The following HECTD4 variants were observed in gnomAD, a reference collection of about 807,000 sequenced individuals.
HECTD4 encodes HECT domain E3 ubiquitin protein ligase 4.
HECTD4 carries 114 observed loss-of-function variants against 471.5 expected under a neutral mutation model. The observed-to-expected ratio is 0.24, with a 90% CI of 0.21 to 0.28. The LOEUF is 0.28. Ranked by LOEUF, HECTD4 falls within the 10% of genes least tolerant of loss-of-function variation. The pLI is 1.00. For missense variants in HECTD4, 3,866 were observed against 5,651.5 expected (o/e 0.68, Z 10.13); for synonymous variants, 2,012 against 2,256.0 (o/e 0.89, Z 3.07).
At chr12:112,246,462 C>T (rs1473186595) in intron 29 of HECTD4, among the ~76,000 whole-genome samples, 8 of 151,914 alleles carry the variant, frequency 5.3e-5, no homozygotes, top group South Asian at 4.2e-4. Flanking sequence ...AGTGAAACCC[C>T]GTCTCTACCA....
intron 1 of HECTD4, among the ~76,000 whole-genome samples, chr12:112,360,222 G>A (rs1022885351): frequency 6.6e-6 from 1 of 152,216 alleles, no homozygotes; most frequent in Non-Finnish European, 1.5e-5. Flanking sequence ...GGGAGGCTGG[G>A]GCAGGAGGAT....
At chr12:112,185,825 GAAT>G (rs1436879439) in intron 60 of HECTD4, among the ~76,000 whole-genome samples, 1 of 152,212 alleles carries the variant, frequency 6.6e-6, no homozygotes, top group Admixed American at 6.5e-5. Flanking sequence ...TAAGTCCCTA[GAAT>G]AATGTTTCCC....
Position 112,190,801 on chromosome 12 carries a change from C to T in HECTD4, c.9457G>A (p.Val3153Met), listed in dbSNP as rs1387103845. The change falls in exon 60 of 76, where the codon GTG becomes ATG. Residue 3153 changes from valine (V) to methionine (M), a missense_variant. Around this residue, in one of 16 missense-constraint regions of HECTD4, gnomAD observed 364 missense variants for 413.2 expected, o/e 0.88. Transcript: ENST00000682272. ...GCAGCCTCACCTAGCAGCTCCACCA[C>T]CTGCAGGAGGACGGATGTCGGAATG... ...DTIPTSVLLQ[V>M]VELLGNFLWT... The T allele has an allele frequency of 6.3e-7, 1 of 1,585,136 alleles. No individual in the cohort carries two copies. The highest frequency in any genetic ancestry group is 8.6e-7 in the Non-Finnish European group (1 of 1,165,468).
chr12:112,271,662 C>T (rs1275104774), intron 11 of HECTD4, among the ~76,000 whole-genome samples: 1 of 152,196 alleles, frequency 6.6e-6, no homozygotes, highest in African/African-American at 2.4e-5. Context: ...CTCTACTAAT[C>T]TATGGCCCAG....
intron 18 of HECTD4, among the ~76,000 whole-genome samples, chr12:112,260,136 C>G (rs2034110662): frequency 6.6e-6 from 1 of 152,170 alleles, no homozygotes; most frequent in South Asian, 2.1e-4. Context: ...CCCTTGCCCC[C>G]AGCCCCCGGC....
chr12:112,298,701 G>A (rs1249976069), intron 7 of HECTD4, among the ~76,000 whole-genome samples: 3 of 151,620 alleles, frequency 2.0e-5, no homozygotes, highest in Admixed American at 6.6e-5. Context: ...TGGCCAACAC[G>A]GTGAAACTCT....
Position 112,194,761 on chromosome 12 carries a change from T to C in HECTD4, c.8749+124A>G, listed in dbSNP as rs560795758. ...GGAGAATCCCAGTTCCTGCGTGCAA[T>C]TTCTCACGTGAGCCTATGCGCACCA... On this transcript the variant is annotated intron_variant, in intron 56 of 75. Transcript: ENST00000682272. The surrounding 1 kb of genome is among the most constrained non-coding windows in gnomAD (Gnocchi z 4.6). 5.8e-6 allele frequency: 5 copies of C among 868,422 alleles called. No individual in the cohort carries two copies. The South Asian group carries it at 7.2e-5, about 13-fold the overall frequency. The allele number at this position is 868,422 out of a possible 1,614,324, so 53.8% of individuals were successfully genotyped here. A position where few individuals can be genotyped will look rare whatever the true frequency, so the allele number is the denominator to read the frequency against.
intron 1 of HECTD4, among the ~76,000 whole-genome samples, chr12:112,361,505 G>A (rs916771028): frequency 2.0e-5 from 3 of 151,356 alleles, no homozygotes; most frequent in African/African-American, 7.3e-5. Flanking sequence ...CATTCCTGGG[G>A]TCAAGCAATC....
In HECTD4 at chr12:112,194,464, A is replaced by C. The variant is rs1286650311; in HGVS notation, c.8749+421T>G. On this transcript the variant is annotated intron_variant, in intron 56 of 75. Coordinates refer to ENST00000682272, the MANE Select transcript of HECTD4 (RefSeq NM_001388303.1). The surrounding 1 kb of genome is among the most constrained non-coding windows in gnomAD (Gnocchi z 4.6). The stretch of plus-strand genomic sequence containing the variant: ...GGGATCAGACACAGCCCTCATGCCA[A>C]GGGCACACAGGCTGGCCTTTGGAAC... Among the ~76,000 whole-genome samples the C allele has an allele frequency of 1.3e-5, 2 of 152,210 alleles. No homozygotes were observed. Among genetic ancestry groups the C allele is most frequent in the Non-Finnish European group, 2.9e-5 (2 of 68,020 alleles).
chr12:112,221,353 A>G (rs1193429129), intron 44 of HECTD4, among the ~76,000 whole-genome samples: 1 of 152,066 alleles, frequency 6.6e-6, no homozygotes, highest in Non-Finnish European at 1.5e-5. Flanking sequence ...GACTCAGGTG[A>G]TCTTCCCACC....
chr12:112,340,314 G>A (rs2036033224), intron 1 of HECTD4, among the ~76,000 whole-genome samples: 1 of 152,190 alleles, frequency 6.6e-6, no homozygotes, highest in South Asian at 2.1e-4. Context: ...GGTGTGATGA[G>A]CCCAAGTGCT....
chr12:112,381,867 G>T lies in HECTD4; in HGVS notation c.177+85C>A. The T allele has an allele frequency of 9.9e-7, 1 of 1,006,772 alleles. No homozygotes were observed. Among genetic ancestry groups the T allele is most frequent in the Non-Finnish European group, 1.3e-6 (1 of 787,976 alleles). 62.4% of individuals were successfully genotyped at this position (1,006,772 alleles called of 1,614,324 possible). A position where few individuals can be genotyped will look rare whatever the true frequency, so the allele number is the denominator to read the frequency against. On this transcript the variant is annotated intron_variant, in intron 1 of 75. Transcript: ENST00000682272. This position sits in a 1 kb window ranked among gnomAD's most constrained non-coding sequence, Gnocchi z 4.1. ...GGCAGCCGCCGGGAGGCGAGGCCGC[G>T]GCTGAGGCGAGGAGGGGGCCCGACC...
intron 48 of HECTD4, 83 bp downstream of exon 48, chr12:112,216,209 A>G (rs2135549354): frequency 2.2e-6 from 2 of 909,122 alleles, no homozygotes; most frequent in East Asian, 5.3e-5. Flanking sequence ...CCAATTGCTA[A>G]ATTTATTCAA....
chr12:112,379,215 A>G (rs1024690373), intron 1 of HECTD4, among the ~76,000 whole-genome samples: 1 of 152,248 alleles, frequency 6.6e-6, no homozygotes, highest in Non-Finnish European at 1.5e-5. Flanking sequence ...GATGAGGAGC[A>G]GATGTGCAGT....
chr12:112,227,975 T>G, intron 43 of HECTD4, 114 bp downstream of exon 43: 8 of 915,186 alleles, frequency 8.7e-6, no homozygotes, highest in Non-Finnish European at 1.3e-5. Flanking sequence ...CAGTTTAGTG[T>G]GAGCTTCAAG....
chr12:112,329,305 C>T (rs1308052881), intron 1 of HECTD4, among the ~76,000 whole-genome samples: 1 of 151,514 alleles, frequency 6.6e-6, no homozygotes, highest in African/African-American at 2.4e-5. Flanking sequence ...AAGTCAGCTA[C>T]AAACTATAAG....
chr12:112,301,801 T>G (rs1015333026), intron 7 of HECTD4: 9 of 145,640 alleles, frequency 6.2e-5, no homozygotes, highest in Non-Finnish European at 9.0e-5. Context: ...CAGCTAGCTG[T>G]TTTTTTTTTT....
chr12:112,209,995 A>G lies in HECTD4; in HGVS notation c.7867+20T>C, dbSNP rs766048512. The G allele has an allele frequency of 1.4e-4, 225 of 1,588,758 alleles. No individual in the cohort carries two copies. The highest frequency in any genetic ancestry group is 2.6e-4 in the Admixed American group (15 of 57,550). ...GTCTCAGGAAGCCATGGAGGCAGTA[A>G]GTTCCAGGAGGTGACTTACGTTGCT... On this transcript the variant is annotated intron_variant, in intron 50 of 75. Transcript: ENST00000682272.
At position 112,259,146 on chromosome 12, in the gene HECTD4, G is replaced by C. The variant is rs752768435; in HGVS notation, c.2993C>G (p.Pro998Arg). ...ATAGAGTACCAGCTGCACTAGCTGA[G>C]GCATCAGGGCATCCGCCATGATCAG... ...QTLIMADALM[P>R]QLVQLVLYTS... Residue 998 changes from proline to arginine, a missense_variant, in exon 19 of 76, where the codon CCT (proline) becomes CGT (arginine). Transcript: ENST00000682272. 2.5e-6 allele frequency: 4 copies of C among 1,613,640 alleles called. No homozygotes were observed. The highest frequency in any genetic ancestry group is 1.7e-6 in the Non-Finnish European group (2 of 1,179,800).
Sources: allele counts gnomAD v4.1 joint callset (sites outside exome capture counted in the v4.1 genomes callset), GRCh38; gene constraint gnomAD v4.1.1; regional missense constraint gnomAD v4.1.1; non-coding constraint Gnocchi (gnomAD v3.1); transcripts MANE v1.5; gene names NCBI Gene and HGNC (gene_info 2026-07-23, HGNC 2026-07-21).